PARD3B: variants seen among roughly 807,000 people sequenced by gnomAD.
The protein encoded by PARD3B is par-3 family cell polarity regulator beta.
A neutral mutation model predicts 130.2 loss-of-function variants in PARD3B; 103 were observed. The ratio of observed to expected loss-of-function variants is 0.79; its 90% confidence interval spans 0.67 to 0.93. PARD3B has a LOEUF of 0.93. Among genes scored for constraint, PARD3B ranks in the 40% least tolerant of loss-of-function variants. The probability of loss-of-function intolerance (pLI) is 0.00; values close to 1 mark genes in which losing one functional copy is unlikely to be tolerated. For synonymous variants in PARD3B, 583 were observed against 553.2 expected (o/e 1.05, Z -0.76); for missense variants, 1,609 against 1,499.2 (o/e 1.07, Z -1.21).
At chr2:204,589,700 G>A (rs115735314) in intron 1 of PARD3B, among the ~76,000 whole-genome samples, 2,859 of 152,280 alleles carry the variant, frequency 0.019, 56 homozygotes, top group Non-Finnish European at 0.024. Context: ...AATTGGCAAC[G>A]ATAAAGAGGT....
At chr2:205,210,289 A>G (rs1355169047) in intron 15 of PARD3B, among the ~76,000 whole-genome samples, 4 of 152,046 alleles carry the variant, frequency 2.6e-5, no homozygotes, top group Non-Finnish European at 5.9e-5. Flanking sequence ...TTATTCTCTT[A>G]TATACCTACC....
chr2:204,934,950 A>T (rs1688300101), intron 2 of PARD3B, among the ~76,000 whole-genome samples: 1 of 152,140 alleles, frequency 6.6e-6, no homozygotes, highest in Non-Finnish European at 1.5e-5. Context: ...GCACAGATTT[A>T]TTGACAATGA....
At chr2:205,497,609 A>G (rs1575167085) in intron 20 of PARD3B, among the ~76,000 whole-genome samples, 1 of 151,900 alleles carries the variant, frequency 6.6e-6, no homozygotes, top group South Asian at 2.1e-4. Context: ...CTGGGGCTCT[A>G]CCTACCTTTC....
At chr2:205,467,642 T>C (rs546498962) in intron 20 of PARD3B, among the ~76,000 whole-genome samples, 102 of 152,318 alleles carry the variant, frequency 6.7e-4, no homozygotes, top group Non-Finnish European at 1.2e-3. Flanking sequence ...CAATTTGGAC[T>C]AGCCACAATT....
At chr2:204,586,395 C>T (rs1378998694) in intron 1 of PARD3B, among the ~76,000 whole-genome samples, 1 of 152,128 alleles carries the variant, frequency 6.6e-6, no homozygotes, top group Non-Finnish European at 1.5e-5. Flanking sequence ...CACTGAACGG[C>T]TGTGAGAGTA....
At chr2:205,412,034 G>A (rs955035721) in intron 19 of PARD3B, among the ~76,000 whole-genome samples, 23 of 152,106 alleles carry the variant, frequency 1.5e-4, no homozygotes, top group African/African-American at 5.3e-4. Context: ...CATTAAGGGG[G>A]TGGCAACTCC....
chr2:204,961,881 G>A (rs1246390195), intron 2 of PARD3B, among the ~76,000 whole-genome samples: 2 of 152,108 alleles, frequency 1.3e-5, no homozygotes, highest in Admixed American at 6.6e-5. Flanking sequence ...GTGGAGTTGA[G>A]GGGTGAGAGC....
intron 2 of PARD3B, among the ~76,000 whole-genome samples, chr2:204,962,499 G>T (rs1414303672): frequency 6.6e-6 from 1 of 152,066 alleles, no homozygotes; most frequent in African/African-American, 2.4e-5. Context: ...AGGCAAGGAG[G>T]GAAGGCCATT....
chr2:204,848,996 T>A (rs915412809), intron 2 of PARD3B, among the ~76,000 whole-genome samples: 1 of 152,114 alleles, frequency 6.6e-6, no homozygotes, highest in African/African-American at 2.4e-5. Flanking sequence ...TTCTTTAAGT[T>A]GTTTTCTAAT....
chr2:205,606,998 T>G (rs1166039668), intron 22 of PARD3B, among the ~76,000 whole-genome samples: 1 of 152,124 alleles, frequency 6.6e-6, no homozygotes, highest in Non-Finnish European at 1.5e-5. Context: ...AAAGACTCAA[T>G]TGATTCTTAG....
chr2:205,313,051 G>A (rs1044903256), intron 18 of PARD3B, among the ~76,000 whole-genome samples: 4 of 152,184 alleles, frequency 2.6e-5, no homozygotes, highest in African/African-American at 4.8e-5. Flanking sequence ...TGGATAGATT[G>A]TGAACATGAG....
chr2:204,668,542 G>GT (rs1012109743), intron 1 of PARD3B, among the ~76,000 whole-genome samples: 2 of 152,134 alleles, frequency 1.3e-5, no homozygotes, highest in African/African-American at 4.8e-5. Context: ...CCGAAGATAT[G>GT]TTTTTTAGTT....
intron 2 of PARD3B, among the ~76,000 whole-genome samples, chr2:204,828,924 GA>G (rs1489741992): frequency 6.6e-6 from 1 of 152,100 alleles, no homozygotes; most frequent in Non-Finnish European, 1.5e-5. Context: ...ACATCTCTTT[GA>G]GACTTTTGTA....
intron 7 of PARD3B, among the ~76,000 whole-genome samples, chr2:205,119,395 C>G (rs780403950): frequency 3.3e-5 from 5 of 152,062 alleles, no homozygotes; most frequent in Non-Finnish European, 7.3e-5. Flanking sequence ...TATTAATTAA[C>G]TTTCTTGGTG....
intron 2 of PARD3B, among the ~76,000 whole-genome samples, chr2:204,919,230 A>C (rs1159663640): frequency 1.3e-5 from 2 of 152,178 alleles, no homozygotes; most frequent in Non-Finnish European, 2.9e-5. Context: ...CATTAGCAAG[A>C]GTTTCATATT....
intron 22 of PARD3B, among the ~76,000 whole-genome samples, chr2:205,582,714 GGGAAA>G (rs1274763415): frequency 6.6e-6 from 1 of 151,592 alleles, no homozygotes; most frequent in African/African-American, 2.4e-5. Context: ...GAGAGAGGCA[GGGAAA>G]GGAGATTGGG....
chr2:205,134,200 C>T (rs2125654015), intron 10 of PARD3B, among the ~76,000 whole-genome samples: 1 of 152,238 alleles, frequency 6.6e-6, no homozygotes, highest in South Asian at 2.1e-4. Context: ...TACAGAAACA[C>T]TGCCCCTTAC....
At chr2:205,593,598 A>C (rs935320677) in intron 22 of PARD3B, among the ~76,000 whole-genome samples, 1 of 152,244 alleles carries the variant, frequency 6.6e-6, no homozygotes, top group Non-Finnish European at 1.5e-5. Context: ...ATTGCTTAAC[A>C]ACCTGATACC....
intron 10 of PARD3B, among the ~76,000 whole-genome samples, chr2:205,131,680 A>C (rs1198291506): frequency 3.9e-5 from 6 of 152,340 alleles, no homozygotes; most frequent in Non-Finnish European, 8.8e-5. Flanking sequence ...GAATTGAATA[A>C]ATTTCAAGAT....
Sources: allele counts gnomAD v4.1 joint callset (sites outside exome capture counted in the v4.1 genomes callset), GRCh38; gene constraint gnomAD v4.1.1; transcripts MANE v1.5; gene names NCBI Gene and HGNC (gene_info 2026-07-23, HGNC 2026-07-21).